Variants in RGL4 observed in about 807,000 individuals in gnomAD.
RGL4 encodes ral guanine nucleotide dissociation stimulator like 4, also known as ral-GDS-related protein.
A neutral mutation model predicts 49.6 loss-of-function variants in RGL4; 41 were observed. The ratio of observed to expected loss-of-function variants is 0.83; its 90% CI spans 0.64 to 1.07. The LOEUF is 1.07. Ranked by LOEUF, RGL4 falls within the 50% of genes least tolerant of loss-of-function variation. The pLI is 0.00. For synonymous variants in RGL4, 255 were observed against 238.0 expected (o/e 1.07, Z -0.66); for missense variants, 610 against 591.9 (o/e 1.03, Z -0.32).
At chr22:23,694,844 T>C (rs1012327254) in intron 5 of RGL4, 106 bp from the exon 6 acceptor site, 3 of 888,446 alleles carry the variant, frequency 3.4e-6, no homozygotes, top group African/African-American at 1.6e-5. Context: ...CTGAAAACTC[T>C]CACCCAGTAA....
At chr22:23,695,138 T>C in intron 6 of RGL4, 119 bp downstream of exon 6, 3 of 748,164 alleles carry the variant, frequency 4.0e-6, no homozygotes, top group South Asian at 1.5e-5. Context: ...ACTTACCTAC[T>C]AAAAGTGGAC....
chr22:23,694,130 C>A, intron 4 of RGL4, 156 bp downstream of exon 4: 1 of 761,090 alleles, frequency 1.3e-6, no homozygotes, highest in Non-Finnish European at 2.2e-6. Context: ...TTGACTCCCA[C>A]GGCCCAGTGG....
rs375297006 is a variant in RGL4 at position 23,694,384 on chromosome 22, T to C, written c.950T>C (p.Val317Ala). 7.2e-5 allele frequency: 116 copies of C among 1,613,876 alleles called. No homozygotes were observed. The African/African-American group carries it at 1.2e-3, about 17-fold the overall frequency. ...CTCAACAACTTCTCCTCGGTGCACG[T>C]CATCGTCTCTGCTCTGTGCAGCAAC... The part of the protein sequence containing the change: ...LSLNNFSSVH[V>A]IVSALCSNPI... The change falls in exon 5 of 11, where the codon GTC becomes GCC. Residue 317 changes from valine to alanine, a missense_variant. By Grantham distance (64) the Val-to-Ala change is moderately conservative. Coordinates refer to ENST00000290691, the MANE Select transcript of RGL4 (RefSeq NM_153615.2).
chr22:23,698,602 A>T, intron 10 of RGL4: 1 of 728,852 alleles, frequency 1.4e-6, no homozygotes, highest in Non-Finnish European at 2.4e-6. Context: ...TCCTGGCCTC[A>T]AGCAATCCAC....
intron 7 of RGL4, 66 bp from the exon 8 acceptor site, chr22:23,697,105 C>A: frequency 8.2e-7 from 1 of 1,219,760 alleles, no homozygotes; most frequent in Non-Finnish European, 1.2e-6. Flanking sequence ...GGACCTTGGG[C>A]AGGCACCTGA....
chr22:23,698,084 G>A, intron 9 of RGL4, 128 bp from the exon 10 acceptor site: 17 of 1,319,538 alleles, frequency 1.3e-5, no homozygotes, highest in South Asian at 9.8e-5. Flanking sequence ...TCTGAGAACA[G>A]GCTGGGGGCG....
At position 23,693,082 on chromosome 22, in the gene RGL4, T is replaced by C. The variant is rs368062370; in HGVS notation, c.696+91T>C. The C allele has an allele frequency of 2.8e-4, 406 of 1,465,122 alleles. 2 individuals are homozygous for C. In the Middle Eastern group the frequency reaches 3.3e-3, roughly 12 times the overall value. 90.8% of individuals were successfully genotyped at this position (1,465,122 alleles called of 1,614,324 possible). A position where few individuals can be genotyped will look rare whatever the true frequency, so the allele number is the denominator to read the frequency against. ...GGAGCAGCCAATGCCCTCGGTCCAA[T>C]TTCAGCCCCACTTCTTACCAACCGT... On this transcript the variant is annotated intron_variant, in intron 3 of 10. Coordinates refer to ENST00000290691, the MANE Select transcript of RGL4 (RefSeq NM_153615.2).
At position 23,693,872 on chromosome 22, in the gene RGL4, C is replaced by CA; in HGVS notation, c.812dup (p.Asn271LysfsTer97). The CA allele has an allele frequency of 6.2e-7, 1 of 1,614,050 alleles. No homozygotes were observed. The highest frequency in any genetic ancestry group is 1.6e-4 in the Middle Eastern group (1 of 6,062). ...CAGTTCGTGCCACCATCGCACACTT[C>CA]AACAGGCTCACCAACTGCATCACCA... is the stretch of plus-strand genomic sequence containing the variant. On this transcript the variant is annotated frameshift_variant, in exon 4 of 11. Coordinates refer to ENST00000290691, the MANE Select transcript of RGL4 (RefSeq NM_153615.2). LOFTEE classifies it high-confidence loss of function.
At chr22:23,696,709 G>C in intron 7 of RGL4, 21 bp downstream of exon 7, 2 of 1,605,888 alleles carry the variant, frequency 1.2e-6, no homozygotes, top group Non-Finnish European at 1.7e-6. Context: ...CTGTGGCATG[G>C]ACGGGCCGCA....
chr22:23,697,355 A>G (rs1477154441), intron 8 of RGL4, 110 bp downstream of exon 8: 3 of 808,594 alleles, frequency 3.7e-6, no homozygotes, highest in African/African-American at 3.4e-5. Context: ...TCCTCTCCTA[A>G]GAGCCTCACA....
Position 23,694,395 on chromosome 22 carries a change from G to A in RGL4, c.961G>A (p.Ala321Thr). The A allele has an allele frequency of 6.2e-7, 1 of 1,614,038 alleles. No individual in the cohort carries two copies. The highest frequency in any genetic ancestry group is 8.5e-7 in the Non-Finnish European group (1 of 1,179,954). Residue 321 changes from alanine to threonine, a missense_variant, in exon 5 of 11, where the codon GCT becomes ACT. By Grantham distance (58) the Ala-to-Thr change is moderately conservative (BLOSUM62 0). Coordinates refer to ENST00000290691, the MANE Select transcript of RGL4 (RefSeq NM_153615.2). The stretch of plus-strand genomic sequence containing the variant: ...CTCCTCGGTGCACGTCATCGTCTCT[G>A]CTCTGTGCAGCAACCCAATAGGTCA... Reference protein sequence around the residue: ...NFSSVHVIVSALCSNPIGQLH... With the variant: ...NFSSVHVIVSTLCSNPIGQLH...
intron 10 of RGL4, 119 bp from the exon 11 acceptor site, chr22:23,698,725 A>G (rs1220778328): frequency 1.6e-6 from 2 of 1,289,848 alleles, no homozygotes; most frequent in African/African-American, 1.5e-5. Flanking sequence ...CTCCACGGCC[A>G]GCATCAAGCC....
Position 23,692,658 on chromosome 22 carries a change from T to TC in RGL4, c.374-9dup. The TC allele has an allele frequency of 6.3e-7, 1 of 1,583,030 alleles. No homozygotes were observed. The highest frequency in any genetic ancestry group is 1.1e-5 in the South Asian group (1 of 87,834). On this transcript the variant is annotated splice_polypyrimidine_tract_variant and intron_variant, in intron 2 of 10. Transcript: ENST00000290691. ...AAATGACTGGTGTGGTGACCTTTTC[T>TC]CCTTTTCCAGATCCTGCTCCACGTC...
Position 23,691,375 on chromosome 22 carries a change from C to T in RGL4, c.-656C>T, listed in dbSNP as rs1179266259. The stretch of plus-strand genomic sequence containing the variant: ...TCCCTTGGTGCTGAAAAAGGAGCCA[C>T]AGGCCCACTCAGACATCTGGAGAGG... On this transcript the variant is annotated 5_prime_UTR_variant, in exon 1 of 11. Coordinates refer to ENST00000290691, the MANE Select transcript of RGL4 (RefSeq NM_153615.2). 1 of 152,206 alleles carries T rather than the reference C, an allele frequency of 6.6e-6. No individual in the cohort carries two copies. The highest frequency in any genetic ancestry group is 2.4e-5 in the African/African-American group (1 of 41,454). 9.4% of individuals were successfully genotyped at this position (152,206 alleles called of 1,614,324 possible).
chr22:23,698,090 G>C, intron 9 of RGL4, 122 bp from the exon 10 acceptor site: 2 of 1,345,802 alleles, frequency 1.5e-6, no homozygotes, highest in Non-Finnish European at 2.0e-6. Flanking sequence ...AACAGGCTGG[G>C]GGCGCTGCAT....
In RGL4 at chr22:23,693,906, C is replaced by G; in HGVS notation, c.844C>G (p.Leu282Val). The G allele has an allele frequency of 6.2e-7, 1 of 1,613,978 alleles. No homozygotes were observed. Among genetic ancestry groups the G allele is most frequent in the Non-Finnish European group, 8.5e-7 (1 of 1,180,042 alleles). ...CACCAACTGCATCACCACCTCCTGCCTCGGGGACCACAGCATGAGGGCCCG... is the reference window on the plus strand; with the variant it reads ...CACCAACTGCATCACCACCTCCTGCGTCGGGGACCACAGCATGAGGGCCCG... ...RLTNCITTSC[L>V]GDHSMRARDR... The change falls in exon 4 of 11, where the codon CTC becomes GTC. Residue 282 changes from leucine to valine, a missense_variant. Leu to Val is a conservative substitution (Grantham distance 32). Coordinates refer to ENST00000290691, the MANE Select transcript of RGL4 (RefSeq NM_153615.2).
intron 4 of RGL4, 75 bp downstream of exon 4, chr22:23,694,049 G>A (rs1159125204): frequency 2.2e-6 from 3 of 1,356,050 alleles, no homozygotes; most frequent in Non-Finnish European, 3.1e-6. Flanking sequence ...CGGCTTTCAG[G>A]ATCGGCATCT....
In RGL4 at chr22:23,692,205, T is replaced by C; in HGVS notation, c.175T>C (p.Leu59=). ...CCCCTTCCAGGACAGCACTGATGGC[T>C]TACGGTAGGGTGGGGCTGTCCTCCA... ...VCPFQDSTDG[L]RTITSILFNW... Residue 59 remains leucine, a synonymous_variant, in exon 1 of 11, where the codon TTA becomes CTA. Coordinates refer to ENST00000290691, the MANE Select transcript of RGL4 (RefSeq NM_153615.2). The C allele has an allele frequency of 6.2e-7, 1 of 1,612,768 alleles. No individual in the cohort carries two copies. Among genetic ancestry groups the C allele is most frequent in the Non-Finnish European group, 8.5e-7 (1 of 1,178,920 alleles).
rs1923348226 is a variant in RGL4, at chr22:23,694,365, A to G, written c.931A>G (p.Asn311Asp). 1 of 1,613,932 alleles carries G rather than the reference A, an allele frequency of 6.2e-7. No homozygotes were observed. Among genetic ancestry groups the G allele is most frequent in the Non-Finnish European group, 8.5e-7 (1 of 1,179,860 alleles). Residue 311 changes from asparagine to aspartate, a missense_variant, in exon 5 of 11, where the codon AAC becomes GAC. Transcript: ENST00000290691. ...TCTCCAGGAGTGCCTAAGCCTCAAC[A>G]ACTTCTCCTCGGTGCACGTCATCGT... The part of the protein sequence containing the change: ...KVARECLSLN[N>D]FSSVHVIVSA...
Sources: allele counts gnomAD v4.1 joint callset, GRCh38; gene constraint gnomAD v4.1.1; transcripts MANE v1.5; gene names NCBI Gene and HGNC (gene_info 2026-07-23, HGNC 2026-07-21).